Variants in GTF3C2 observed in about 807,000 individuals in gnomAD.
GTF3C2 encodes the protein general transcription factor 3C polypeptide 2.
In GTF3C2, 17 loss-of-function variants were observed where a neutral mutation model predicts 117.4. The observed-to-expected ratio is 0.14, with a 90% CI of 0.10 to 0.22. GTF3C2 has a LOEUF of 0.22. Among genes scored for constraint, GTF3C2 ranks in the 10% least tolerant of loss-of-function variants. The probability of loss-of-function intolerance (pLI) is 1.00; values close to 1 mark genes in which losing one functional copy is unlikely to be tolerated. For synonymous variants in GTF3C2, 437 were observed against 427.0 expected (o/e 1.02, Z -0.29); for missense variants, 888 against 1,143.6 (o/e 0.78, Z 3.22).
intron 1 of GTF3C2, chr2:27,350,444 T>C (rs1162692670): frequency 3.0e-6 from 3 of 985,460 alleles, no homozygotes; most frequent in South Asian, 4.7e-5. Flanking sequence ...GGAAAAACAG[T>C]TGGTAGGAAC....
chr2:27,333,515 CTATT>C, intron 12 of GTF3C2, 136 bp downstream of exon 12: 2 of 610,052 alleles, frequency 3.3e-6, no homozygotes, highest in East Asian at 6.1e-5. Context: ...TTATTTCTTT[CTATT>C]TTTTTTTTTT....
At chr2:27,330,294 A>G (rs1680233461) in intron 12 of GTF3C2, among the ~76,000 whole-genome samples, 2 of 151,556 alleles carry the variant, frequency 1.3e-5, no homozygotes, top group South Asian at 4.2e-4. Context: ...CCCCATCTCT[A>G]CTAAAAATAC....
At chr2:27,333,856 G>A in intron 11 of GTF3C2, 72 bp from the exon 12 acceptor site, 1 of 1,480,156 alleles carries the variant, frequency 6.8e-7, no homozygotes, top group Non-Finnish European at 9.4e-7. Flanking sequence ...TCAAATCAGT[G>A]CTTAATCCAG....
intron 1 of GTF3C2, among the ~76,000 whole-genome samples, chr2:27,355,065 T>G (rs1681281288): frequency 6.6e-6 from 1 of 152,204 alleles, no homozygotes; most frequent in South Asian, 2.1e-4. Context: ...TTATGTATAT[T>G]AGTACCCATT....
chr2:27,331,568 G>C (rs974358992), intron 12 of GTF3C2, among the ~76,000 whole-genome samples: 3 of 151,970 alleles, frequency 2.0e-5, no homozygotes, highest in Non-Finnish European at 4.4e-5. Context: ...CTGGTGATCT[G>C]CCCGCCTCGG....
At chr2:27,353,381 CAAAA>C (rs534971452) in intron 1 of GTF3C2, among the ~76,000 whole-genome samples, 8 of 123,064 alleles carry the variant, frequency 6.5e-5, no homozygotes, top group Non-Finnish European at 1.1e-4. Context: ...GACTCCGTCT[CAAAA>C]AAAAAAAAAA....
chr2:27,342,697 C>G (rs1211776374), intron 3 of GTF3C2, 129 bp downstream of exon 3: 56 of 692,240 alleles, frequency 8.1e-5, no homozygotes, highest in Non-Finnish European at 1.4e-4. Flanking sequence ...AAGGACTGCT[C>G]AAGTCCCTAG....
At chr2:27,325,869 A>G (rs1680057370) in exon 19 of GTF3C2, 1 of 179,896 alleles carries the variant, frequency 5.6e-6, no homozygotes, top group Non-Finnish European at 1.2e-5. Context: ...GTAACTGAAG[A>G]TATTTAATCT....
chr2:27,338,095 C>A (rs532009280), intron 4 of GTF3C2, 75 bp from the exon 5 acceptor site: 2 of 888,504 alleles, frequency 2.3e-6, no homozygotes, highest in African/African-American at 3.3e-5. Flanking sequence ...CAGCTCTTTC[C>A]CAGTTTTTAT....
rs1044840539 is a variant in GTF3C2 at position 27,336,182 on chromosome 2, T to A, written c.1355+16A>T. The A allele has an allele frequency of 1.3e-6, 2 of 1,591,592 alleles. No homozygotes were observed. Among genetic ancestry groups the A allele is most frequent in the African/African-American group, 2.7e-5 (2 of 74,470 alleles). ...CCTCAACCACCCTCCCATGGCAGTG[T>A]CCAACCCCACCTCACCAGCTTTCTT... On this transcript the variant is annotated intron_variant, in intron 8 of 18. Transcript: ENST00000264720.
At chr2:27,326,601 G>T in exon 19 of GTF3C2, 1 of 1,138,094 alleles carries the variant, frequency 8.8e-7, no homozygotes, top group South Asian at 1.3e-5. Context: ...AAGGCCCCCA[G>T]TTCCTATGGC....
At chr2:27,330,448 C>T (rs1461324076) in intron 12 of GTF3C2, among the ~76,000 whole-genome samples, 2 of 149,882 alleles carry the variant, frequency 1.3e-5, no homozygotes, top group African/African-American at 2.5e-5. Context: ...GGAGACAGAA[C>T]GAGACTCCAC....
rs148849470 is a variant in GTF3C2, at chr2:27,356,705, G to GC, written c.-25+33dup. 7.7e-3 allele frequency: 1,175 copies of GC among 152,840 alleles called. 9 individuals are homozygous for GC. Among genetic ancestry groups the GC allele is most frequent in the African/African-American group, 0.026 (1,081 of 41,514 alleles). The allele number at this position is 152,840 out of a possible 1,614,324, so 9.5% of individuals were successfully genotyped here. A position where few individuals can be genotyped will look rare whatever the true frequency, so the allele number is the denominator to read the frequency against. ...AAGAAGGGGGAGGAGTAATTGTGGG[G>GC]CCCCCCACACACCCGCTGCGGCGAT... On this transcript the variant is annotated intron_variant, in intron 1 of 18. Transcript: ENST00000264720.
intron 8 of GTF3C2, 30 bp from the exon 9 acceptor site, chr2:27,336,058 G>T: frequency 6.6e-7 from 1 of 1,508,724 alleles, no homozygotes; most frequent in Non-Finnish European, 9.2e-7. Flanking sequence ...GGGGATGGTG[G>T]GTAGGAAGAA....
In GTF3C2 at chr2:27,346,923, TA is replaced by T. The variant is rs546141357; in HGVS notation, c.-24-3346del. On this transcript the variant is annotated intron_variant, in intron 1 of 18. Transcript: ENST00000264720. ...TTTGCCCAGGCTTGTCTTGAATTCCTAACCTCAAGAGATCCTCCCACCTTGG... is the reference window on the plus strand; with the variant it reads ...TTTGCCCAGGCTTGTCTTGAATTCCTACCTCAAGAGATCCTCCCACCTTGG... 5.9e-3 allele frequency among the ~76,000 whole-genome samples: 902 copies of T among 152,284 alleles called. 7 individuals are homozygous for T. Among genetic ancestry groups the T allele is most frequent in the Non-Finnish European group, 9.5e-3 (649 of 68,020 alleles).
At chr2:27,341,787 C>G (rs760440332) in intron 4 of GTF3C2, 161 bp downstream of exon 4, 5 of 611,854 alleles carry the variant, frequency 8.2e-6, no homozygotes, top group Non-Finnish European at 1.4e-5. Flanking sequence ...CTTCTGCGCT[C>G]TCCCTAATAT....
intron 4 of GTF3C2, among the ~76,000 whole-genome samples, chr2:27,339,389 AT>A (rs1680632092): frequency 6.7e-6 from 1 of 149,758 alleles, no homozygotes. Flanking sequence ...AGCCTGGGCA[AT>A]AAGAGCGAAA....
At chr2:27,349,006 T>A (rs1267465959) in intron 1 of GTF3C2, among the ~76,000 whole-genome samples, 2 of 151,520 alleles carry the variant, frequency 1.3e-5, no homozygotes, top group Non-Finnish European at 2.9e-5. Context: ...CCAGCTAATT[T>A]TTGTATTTTT....
Position 27,326,936 on chromosome 2 carries a change from G to C in GTF3C2, c.2518-43C>G, listed in dbSNP as rs771948035. ...AACAAGAGAGAGATGCTCATGGGTG[G>C]TGCTTTAGGGTGACTCCTAGCTGTA... On this transcript the variant is annotated intron_variant, in intron 18 of 18. Transcript: ENST00000264720. 1.3e-5 allele frequency: 16 copies of C among 1,279,466 alleles called. No homozygotes were observed. The South Asian group carries it at 1.9e-4, about 16-fold the overall frequency. 79.3% of individuals were successfully genotyped at this position (1,279,466 alleles called of 1,614,324 possible). A position where few individuals can be genotyped will look rare whatever the true frequency, so the allele number is the denominator to read the frequency against.
Sources: allele counts gnomAD v4.1 joint callset (sites outside exome capture counted in the v4.1 genomes callset), GRCh38; gene constraint gnomAD v4.1.1; transcripts MANE v1.5; gene names NCBI Gene and HGNC (gene_info 2026-07-23, HGNC 2026-07-21).